GATAD2B: variants seen among roughly 807,000 people sequenced by gnomAD.
GATAD2B encodes the protein GATA zinc finger domain containing 2B, also known as transcriptional repressor p66-beta.
GATAD2B carries 8 observed loss-of-function variants against 64.3 expected under a neutral mutation model. The ratio of observed to expected loss-of-function variants is 0.12; its 90% CI spans 0.07 to 0.22. The LOEUF (loss-of-function observed/expected upper bound fraction) is 0.22. GATAD2B is among the 10% of genes least tolerant of loss of function. The pLI is 1.00. For missense variants in GATAD2B, 453 were observed against 752.0 expected (o/e 0.60, Z 4.65); for synonymous variants, 281 against 271.3 (o/e 1.04, Z -0.35).
At chr1:153,921,276 T>C (rs1184096514) in intron 1 of GATAD2B, among the ~76,000 whole-genome samples, 1 of 152,164 alleles carries the variant, frequency 6.6e-6, no homozygotes, top group African/African-American at 2.4e-5. Context: ...AAGTCATCTG[T>C]GCTAGGAGGG....
At chr1:153,906,217 A>C (rs1325346469) in intron 1 of GATAD2B, among the ~76,000 whole-genome samples, 1 of 152,052 alleles carries the variant, frequency 6.6e-6, no homozygotes, top group African/African-American at 2.4e-5. Context: ...CAGGAGTTCG[A>C]GACCAGCCTG....
rs927428438 is a variant in GATAD2B at position 153,809,028 on chromosome 1, C to G, written c.*1149G>C. 1 of 152,114 alleles carries G rather than the reference C, an allele frequency of 6.6e-6. No homozygotes were observed. Among genetic ancestry groups the G allele is most frequent in the East Asian group, 1.9e-4 (1 of 5,186 alleles). The allele number at this position is 152,114 out of a possible 1,614,324, so 9.4% of individuals were successfully genotyped here. On this transcript the variant is annotated 3_prime_UTR_variant, in exon 11 of 11. Transcript: ENST00000368655. ...GGCACTCAGAGGGTGAAAGAATAGG[C>G]AAATATGCGAATCTCAACTGTTGGA...
chr1:153,853,126 T>C (rs574495059), intron 1 of GATAD2B: 2 of 1,448,276 alleles, frequency 1.4e-6, no homozygotes, highest in South Asian at 1.1e-5. Context: ...TGATTCAGAA[T>C]AGGCAGTCTC....
chr1:153,891,784 T>C (rs1456820855), intron 1 of GATAD2B, among the ~76,000 whole-genome samples: 1 of 151,628 alleles, frequency 6.6e-6, no homozygotes, highest in African/African-American at 2.4e-5. Context: ...ATATCACCTA[T>C]CCAAAAACTG....
In GATAD2B at chr1:153,821,099, A is replaced by G. The variant is rs1674669241; in HGVS notation, c.336-1364T>C. On this transcript the variant is annotated intron_variant, in intron 2 of 10. Coordinates refer to ENST00000368655, the MANE Select transcript of GATAD2B (RefSeq NM_020699.4). ...GGCCCCAAGAGATTCCCCCCGCCTCAGCCTCCTGAGTAGCTGGGACTACAG... is the reference window on the plus strand; with the variant it reads ...GGCCCCAAGAGATTCCCCCCGCCTCGGCCTCCTGAGTAGCTGGGACTACAG... Among the ~76,000 whole-genome samples the G allele has an allele frequency of 2.1e-5, 3 of 144,260 alleles. No individual in the cohort carries two copies. In the Admixed American group the frequency reaches 2.2e-4, roughly 11 times the overall value. 94.6% of individuals were successfully genotyped at this position (144,260 alleles called of 152,430 possible). A position where few individuals can be genotyped will look rare whatever the true frequency, so the allele number is the denominator to read the frequency against.
intron 1 of GATAD2B, among the ~76,000 whole-genome samples, chr1:153,915,262 T>C (rs1180853973): frequency 1.3e-5 from 2 of 151,852 alleles, no homozygotes; most frequent in Non-Finnish European, 2.9e-5. Flanking sequence ...CCGTTTCTAC[T>C]AAAAATACAA....
chr1:153,897,144 C>T (rs550082646), intron 1 of GATAD2B, among the ~76,000 whole-genome samples: 1 of 151,962 alleles, frequency 6.6e-6, no homozygotes, highest in South Asian at 2.1e-4. Flanking sequence ...ATTCTCCTGC[C>T]TCAGCCTCCC....
intron 1 of GATAD2B, chr1:153,853,219 C>A (rs971051040): frequency 1.8e-6 from 2 of 1,135,816 alleles, no homozygotes; most frequent in Admixed American, 1.7e-5. Flanking sequence ...ATGGGCAGAG[C>A]ACACTGGTCA....
At chr1:153,815,293 C>CAAAAAAAAAAAAAAAAAAAAAAAAA (rs71093285) in intron 7 of GATAD2B, among the ~76,000 whole-genome samples, 2 of 111,842 alleles carry the variant, frequency 1.8e-5, no homozygotes, top group South Asian at 2.9e-4. Flanking sequence ...AAAAAAAAAA[C>CAAAAAAAAAAAAAAAAAAAAAAAAA]AAAAAAAAAA....
At chr1:153,853,573 T>C (rs753523500) in intron 1 of GATAD2B, among the ~76,000 whole-genome samples, 9 of 152,246 alleles carry the variant, frequency 5.9e-5, no homozygotes, top group African/African-American at 1.7e-4. Flanking sequence ...ATTTTGTAGA[T>C]TGCCTTTCCA....
At chr1:153,914,921 T>C (rs1228482384) in intron 1 of GATAD2B, among the ~76,000 whole-genome samples, 3 of 151,110 alleles carry the variant, frequency 2.0e-5, no homozygotes, top group African/African-American at 7.3e-5. Flanking sequence ...AGCAAGGCTG[T>C]GTTTCAAAAG....
chr1:153,918,718 T>C (rs1678342914), intron 1 of GATAD2B, among the ~76,000 whole-genome samples: 1 of 152,122 alleles, frequency 6.6e-6, no homozygotes, highest in South Asian at 2.1e-4. Flanking sequence ...TTTGGGAGGC[T>C]GAGGTGGGCA....
At chr1:153,878,176 C>CT (rs1158118446) in intron 1 of GATAD2B, among the ~76,000 whole-genome samples, 54 of 135,096 alleles carry the variant, frequency 4.0e-4, no homozygotes, top group South Asian at 1.2e-3. Flanking sequence ...TTTTTTTTTT[C>CT]TTTTTTTTTT....
intron 1 of GATAD2B, chr1:153,852,359 C>G: frequency 1.1e-6 from 1 of 882,294 alleles, no homozygotes; most frequent in Non-Finnish European, 1.9e-6. Context: ...TAGATGTCGC[C>G]TGCCATCACC....
At chr1:153,852,419 G>C in intron 1 of GATAD2B, 2 of 776,864 alleles carry the variant, frequency 2.6e-6, no homozygotes, top group Non-Finnish European at 4.7e-6. Context: ...CATGGATGTT[G>C]GACAGAAGGC....
At chr1:153,845,502 T>C (rs1017296421) in intron 1 of GATAD2B, among the ~76,000 whole-genome samples, 4 of 152,068 alleles carry the variant, frequency 2.6e-5, no homozygotes, top group African/African-American at 4.8e-5. Flanking sequence ...TCCCAGCACT[T>C]TGGGAGGCTG....
chr1:153,910,165 A>G (rs950816753), intron 1 of GATAD2B, among the ~76,000 whole-genome samples: 2 of 152,124 alleles, frequency 1.3e-5, no homozygotes, highest in African/African-American at 2.4e-5. Context: ...ATATGTATAG[A>G]TATGTAAGCT....
intron 1 of GATAD2B, among the ~76,000 whole-genome samples, chr1:153,906,336 T>C (rs1677937931): frequency 6.6e-6 from 1 of 151,946 alleles, no homozygotes; most frequent in South Asian, 2.1e-4. Flanking sequence ...GGAGAATCAC[T>C]TGAATCTGGG....
chr1:153,815,303 A>AAAAAAAAAAAAAAAAAG (rs1557780311), intron 7 of GATAD2B, among the ~76,000 whole-genome samples: 1 of 148,810 alleles, frequency 6.7e-6, no homozygotes, highest in African/African-American at 2.5e-5. Flanking sequence ...CAAAAAAAAA[A>AAAAAAAAAAAAAAAAAG]AAAAGAAAAG....
Sources: gnomAD v4.1 joint callset for allele counts (sites outside exome capture counted in the v4.1 genomes callset) on GRCh38, gnomAD v4.1.1 for gene constraint, MANE v1.5 for transcripts, NCBI Gene and HGNC (gene_info 2026-07-23, HGNC 2026-07-21) for gene names.